The following CNTN2 variants were observed in gnomAD, a reference collection of about 807,000 sequenced individuals.
CNTN2 encodes contactin 2.
A neutral mutation model predicts 117.5 loss-of-function variants in CNTN2; 53 were observed. The observed-to-expected ratio is 0.45, with a 90% CI of 0.36 to 0.57. CNTN2 has a LOEUF of 0.57. Ranked by LOEUF, CNTN2 falls within the 20% of genes least tolerant of loss-of-function variation. The pLI is 0.00. For missense variants in CNTN2, 1,106 were observed against 1,404.3 expected (o/e 0.79, Z 3.39); for synonymous variants, 530 against 561.7 (o/e 0.94, Z 0.80).
chr1:205,076,690 C>T lies in CNTN2; in HGVS notation c.*2925C>T, dbSNP rs1654880260. Reference sequence around the variant, plus strand: ...AGACAAGTGTCCTCTCTTCTGCATACATTTGGGCTCCCCTTACAGAGCCCT... The same window carrying T: ...AGACAAGTGTCCTCTCTTCTGCATATATTTGGGCTCCCCTTACAGAGCCCT... On this transcript the variant is annotated 3_prime_UTR_variant, in exon 23 of 23. Transcript: ENST00000331830. 6.6e-6 allele frequency: 1 copy of T among 152,234 alleles called. No individual in the cohort carries two copies. The allele number at this position is 152,234 out of a possible 1,614,324, so 9.4% of individuals were successfully genotyped here.
At position 205,072,491 on chromosome 1, in the gene CNTN2, C is replaced by T. The variant is rs768608238; in HGVS notation, c.2740C>T (p.Arg914Ter). 1.2e-6 allele frequency: 2 copies of T among 1,613,936 alleles called. No homozygotes were observed. Among genetic ancestry groups the T allele is most frequent in the Admixed American group, 1.7e-5 (1 of 60,016 alleles). Residue 914 changes from arginine (R) to a stop codon, truncating the protein, a stop_gained, in exon 21 of 23, where the codon CGA becomes TGA. Transcript: ENST00000331830. LOFTEE classifies it high-confidence loss of function. ...NATTMKPPPR[R>*]PPGNISWTFS... ...TTCTTCCTCTCTGGCAGCTCCGCGG[C>T]GACCTCCTGGCAACATCTCCTGGAC... is the stretch of plus-strand genomic sequence containing the variant.
chr1:205,056,486 C>G (rs1490396041), intron 2 of CNTN2, among the ~76,000 whole-genome samples: 1 of 152,216 alleles, frequency 6.6e-6, no homozygotes, highest in East Asian at 1.9e-4. Flanking sequence ...CCTCCTACCT[C>G]ATTCTGAGAG....
Position 205,065,977 on chromosome 1 carries a change from C to T in CNTN2, c.1816+68C>T, listed in dbSNP as rs1244342870. 2 of 1,513,656 alleles carry T rather than the reference C, an allele frequency of 1.3e-6. No individual in the cohort carries two copies. Among genetic ancestry groups the T allele is most frequent in the Non-Finnish European group, 1.8e-6 (2 of 1,128,000 alleles). 93.8% of individuals were successfully genotyped at this position (1,513,656 alleles called of 1,614,324 possible). On this transcript the variant is annotated intron_variant, in intron 14 of 22. Coordinates refer to ENST00000331830, the MANE Select transcript of CNTN2 (RefSeq NM_005076.5). This position sits in a 1 kb window ranked among gnomAD's most constrained non-coding sequence, Gnocchi z 4.1. ...AACCCAGCTGGGCTGTTCTGACCTG[C>T]TCGCCTCATCTCCCCTCCCTTCCCT...
chr1:205,066,032 A>G (rs1654272550), intron 14 of CNTN2, 123 bp downstream of exon 14: 4 of 1,190,442 alleles, frequency 3.4e-6, no homozygotes, highest in Non-Finnish European at 4.7e-6. Context: ...TTCCGGCGGA[A>G]CTCCTGTGAG....
In CNTN2 at chr1:205,062,553, C is replaced by T. The variant is rs374199117; in HGVS notation, c.1224C>T (p.Ala408=). 157 of 1,613,218 alleles carry T rather than the reference C, an allele frequency of 9.7e-5. No individual in the cohort carries two copies. Among genetic ancestry groups the T allele is most frequent in the Non-Finnish European group, 1.2e-4 (137 of 1,179,606 alleles). The change falls in exon 10 of 23, where the codon GCC becomes GCT. Residue 408 remains alanine, a synonymous_variant. Coordinates refer to ENST00000331830, the MANE Select transcript of CNTN2 (RefSeq NM_005076.5). ...AGCACGGTACCATCTACGCCAGCGC[C>T]GAGCTAGCCGTGCAAGGTAAGGGGC... is the stretch of plus-strand genomic sequence containing the variant. ...ENKHGTIYAS[A]ELAVQALAPD... is the part of the protein sequence containing the mutation.
rs1394504537 is a variant in CNTN2, at chr1:205,076,486, T to G, written c.*2721T>G. 6.6e-6 allele frequency: 1 copy of G among 152,152 alleles called. No individual in the cohort carries two copies. Among genetic ancestry groups the G allele is most frequent in the Non-Finnish European group, 1.5e-5 (1 of 68,028 alleles). The allele number at this position is 152,152 out of a possible 1,614,324, so 9.4% of individuals were successfully genotyped here. On this transcript the variant is annotated 3_prime_UTR_variant, in exon 23 of 23. Transcript: ENST00000331830. ...GCTGGGGGAGTTGAGAGTGTGCTTA[T>G]TTTCACTGCGATCATGAGACCACAG...
At position 205,059,889 on chromosome 1, in the gene CNTN2, C is replaced by T. The variant is rs1374581207; in HGVS notation, c.797+207C>T. Reference sequence around the variant, plus strand: ...CGCATATGCCAGGGGCCTTCCATGGCCAGGATCACTTGGTCTTCCAGCAGT... The same window carrying T: ...CGCATATGCCAGGGGCCTTCCATGGTCAGGATCACTTGGTCTTCCAGCAGT... On this transcript the variant is annotated intron_variant, in intron 7 of 22. Transcript: ENST00000331830. This position sits in a 1 kb window ranked among gnomAD's most constrained non-coding sequence, Gnocchi z 5.6. 1 of 573,490 alleles carries T rather than the reference C, an allele frequency of 1.7e-6. No individual in the cohort carries two copies. The highest frequency in any genetic ancestry group is 3.1e-6 in the Non-Finnish European group (1 of 319,300). 35.5% of individuals were successfully genotyped at this position (573,490 alleles called of 1,614,324 possible).
chr1:205,053,079 C>G (rs12087308), intron 1 of CNTN2, 21 bp from the exon 2 acceptor site: 39,150 of 784,468 alleles, frequency 0.05, 5,783 homozygotes, highest in African/African-American at 0.43. Context: ...TCAGAGCCCT[C>G]CTTTCTGTCT....
At position 205,072,474 on chromosome 1, in the gene CNTN2, C is replaced by T. The variant is rs1369928881; in HGVS notation, c.2732-9C>T. On this transcript the variant is annotated splice_polypyrimidine_tract_variant and intron_variant, in intron 20 of 22. Transcript: ENST00000331830. Reference sequence around the variant, plus strand: ...TTTGGACATCTCTCCAATTCTTCCTCTCTGGCAGCTCCGCGGCGACCTCCT... The same window carrying T: ...TTTGGACATCTCTCCAATTCTTCCTTTCTGGCAGCTCCGCGGCGACCTCCT... The T allele has an allele frequency of 6.2e-7, 1 of 1,612,748 alleles. No individual in the cohort carries two copies. The highest frequency in any genetic ancestry group is 8.5e-7 in the Non-Finnish European group (1 of 1,178,968).
At chr1:205,056,515 C>A (rs1653632695) in intron 2 of CNTN2, among the ~76,000 whole-genome samples, 1 of 152,232 alleles carries the variant, frequency 6.6e-6, no homozygotes, top group Non-Finnish European at 1.5e-5. Flanking sequence ...CAGCTGCCCT[C>A]ACTCCCAGGG....
chr1:205,065,768 C>A lies in CNTN2; in HGVS notation c.1696-21C>A. The A allele has an allele frequency of 6.2e-7, 1 of 1,613,598 alleles. No individual in the cohort carries two copies. The highest frequency in any genetic ancestry group is 1.1e-5 in the South Asian group (1 of 91,040). On this transcript the variant is annotated intron_variant, in intron 13 of 22. Transcript: ENST00000331830. This position sits in a 1 kb window ranked among gnomAD's most constrained non-coding sequence, Gnocchi z 4.1. ...AGGGCCGGTGGTCTGACCTGCTGCCCCTAACTGTCCCCGTGTGCAGAAGGA... is the reference window on the plus strand; with the variant it reads ...AGGGCCGGTGGTCTGACCTGCTGCCACTAACTGTCCCCGTGTGCAGAAGGA...
At position 205,072,524 on chromosome 1, in the gene CNTN2, A is replaced by G; in HGVS notation, c.2773A>G (p.Ser925Gly). The G allele has an allele frequency of 6.2e-7, 1 of 1,614,172 alleles. No individual in the cohort carries two copies. Among genetic ancestry groups the G allele is most frequent in the Non-Finnish European group, 8.5e-7 (1 of 1,180,038 alleles). ...PPGNISWTFS[S>G]SSLSIKWDPV... ...TGGCAACATCTCCTGGACTTTCTCAAGCTCTAGTCTTAGCATTAAGTGGGA... is the reference window on the plus strand; with the variant it reads ...TGGCAACATCTCCTGGACTTTCTCAGGCTCTAGTCTTAGCATTAAGTGGGA... The change falls in exon 21 of 23, where the codon AGC (serine) becomes GGC (glycine). Residue 925 changes from serine (S) to glycine (G), a missense_variant. By Grantham distance (56) the Ser-to-Gly change is moderately conservative. Coordinates refer to ENST00000331830, the MANE Select transcript of CNTN2 (RefSeq NM_005076.5).
At chr1:205,070,106 TG>T in intron 18 of CNTN2, 45 bp downstream of exon 18, 1 of 1,580,640 alleles carries the variant, frequency 6.3e-7, no homozygotes. Flanking sequence ...CCCAGCCACT[TG>T]TCCACAGGGA....
At chr1:205,070,721 G>GC (rs1012955341) in intron 19 of CNTN2, 183 bp downstream of exon 19, 17 of 509,318 alleles carry the variant, frequency 3.3e-5, no homozygotes, top group Non-Finnish European at 6.1e-5. Context: ...GGCAGGCCAG[G>GC]CGCGGTGGCT....
At position 205,048,085 on chromosome 1, in the gene CNTN2, T is replaced by C. The variant is rs1053060506; in HGVS notation, c.-87+4691T>C. Reference sequence around the variant, plus strand: ...CCTGAAGGGCTCCTCAAGTACTTTGTAGGCTGATAATAAATCACTTAGTCT... The same window carrying C: ...CCTGAAGGGCTCCTCAAGTACTTTGCAGGCTGATAATAAATCACTTAGTCT... On this transcript the variant is annotated intron_variant, in intron 1 of 22. Coordinates refer to ENST00000331830, the MANE Select transcript of CNTN2 (RefSeq NM_005076.5). This position sits in a 1 kb window ranked among gnomAD's most constrained non-coding sequence, Gnocchi z 4.1. 6.6e-6 allele frequency among the ~76,000 whole-genome samples: 1 copy of C among 152,194 alleles called. No individual in the cohort carries two copies. Among genetic ancestry groups the C allele is most frequent in the Admixed American group, 6.5e-5 (1 of 15,286 alleles).
At chr1:205,069,730 C>T (rs754862668) in intron 17 of CNTN2, 97 bp from the exon 18 acceptor site, 1 of 1,465,588 alleles carries the variant, frequency 6.8e-7, no homozygotes. Context: ...GCGTAGGCGT[C>T]CAGGGCCGCT....
chr1:205,050,649 G>A (rs1319507679), intron 1 of CNTN2, among the ~76,000 whole-genome samples: 1 of 151,550 alleles, frequency 6.6e-6, no homozygotes, highest in Non-Finnish European at 1.5e-5. Flanking sequence ...ATGGAATTTT[G>A]CTCTTGTTGC....
chr1:205,061,512 G>A lies in CNTN2; in HGVS notation c.973+92G>A. 1 of 1,388,854 alleles carries A rather than the reference G, an allele frequency of 7.2e-7. No individual in the cohort carries two copies. Among genetic ancestry groups the A allele is most frequent in the South Asian group, 1.4e-5 (1 of 70,776 alleles). 86.0% of individuals were successfully genotyped at this position (1,388,854 alleles called of 1,614,324 possible). On this transcript the variant is annotated intron_variant, in intron 8 of 22. Transcript: ENST00000331830. This position sits in a 1 kb window ranked among gnomAD's most constrained non-coding sequence, Gnocchi z 4.8. Reference sequence around the variant, plus strand: ...AGGAAACAGACCCAAAAGTCAGGGAGGAGACTGGGAGGCCCCCTGCATGAG... The same window carrying A: ...AGGAAACAGACCCAAAAGTCAGGGAAGAGACTGGGAGGCCCCCTGCATGAG...
In CNTN2 at chr1:205,073,077, C is replaced by G; in HGVS notation, c.2854C>G (p.Gln952Glu). ...AACCTCCTTCCCACAGATGCTGTAC[C>G]AGAATGACTTACACCTGACTCCCAC... ...SAVTGYKMLY[Q>E]NDLHLTPTLH... Residue 952 changes from glutamine (Q) to glutamate (E), a missense_variant, in exon 22 of 23, where the codon CAG (glutamine) becomes GAG (glutamate). Coordinates refer to ENST00000331830, the MANE Select transcript of CNTN2 (RefSeq NM_005076.5). The surrounding 1 kb of genome is among the most constrained non-coding windows in gnomAD (Gnocchi z 6.3). 1 of 1,614,092 alleles carries G rather than the reference C, an allele frequency of 6.2e-7. No individual in the cohort carries two copies.
Sources: gnomAD v4.1 joint callset for allele counts (sites outside exome capture counted in the v4.1 genomes callset) on GRCh38, gnomAD v4.1.1 for gene constraint, Gnocchi (gnomAD v3.1) non-coding constraint, MANE v1.5 for transcripts, NCBI Gene and HGNC (gene_info 2026-07-23, HGNC 2026-07-21) for gene names.